The following CNTNAP2 variants were observed in gnomAD, a reference collection of about 807,000 sequenced individuals.
CNTNAP2 encodes contactin-associated protein-like 2.
CNTNAP2 carries 98 observed loss-of-function variants against 155.2 expected under a neutral mutation model. The ratio of observed to expected loss-of-function variants is 0.63; its 90% CI spans 0.54 to 0.75. CNTNAP2 has a LOEUF of 0.75. Ranked by LOEUF, CNTNAP2 falls within the 30% of genes least tolerant of loss-of-function variation. The pLI is 0.00. For synonymous variants in CNTNAP2, 651 were observed against 631.2 expected, an observed-to-expected ratio of 1.03 and a Z score of -0.47; for missense variants, 1,727 against 1,688.1, an observed-to-expected ratio of 1.02 and a Z score of -0.40.
chr7:146,946,934 T>G (rs926718622), intron 3 of CNTNAP2, among the ~76,000 whole-genome samples: 2 of 152,136 alleles, frequency 1.3e-5, no homozygotes, highest in Admixed American at 1.3e-4. Context: ...CAAAAAAGCA[T>G]CTTTATAGAT....
chr7:147,262,677 G>A (rs543642738), intron 8 of CNTNAP2, among the ~76,000 whole-genome samples: 1 of 152,268 alleles, frequency 6.6e-6, no homozygotes, highest in South Asian at 2.1e-4. Flanking sequence ...GTGGTGGCGA[G>A]CGCCTGTAGT....
chr7:147,558,710 TTCCTTCC>T, intron 11 of CNTNAP2, among the ~76,000 whole-genome samples: 1 of 42,530 alleles, frequency 2.4e-5, no homozygotes, highest in Non-Finnish European at 5.3e-5. Flanking sequence ...CCTTCCTTCC[TTCCTTCC>T]TTCCTTCCTT....
chr7:146,436,766 C>A (rs1796249349), intron 1 of CNTNAP2, among the ~76,000 whole-genome samples: 1 of 147,692 alleles, frequency 6.8e-6, no homozygotes, highest in Non-Finnish European at 1.5e-5. Context: ...AGGACAATAG[C>A]AAGTGCTTGG....
chr7:147,378,695 C>A (rs1394501802), intron 9 of CNTNAP2, among the ~76,000 whole-genome samples: 3 of 151,948 alleles, frequency 2.0e-5, no homozygotes, highest in Admixed American at 6.6e-5. Context: ...TTTGATAGTA[C>A]AACAAGGTAA....
intron 1 of CNTNAP2, among the ~76,000 whole-genome samples, chr7:146,375,373 A>G (rs148761963): frequency 2.3e-4 from 35 of 152,302 alleles, no homozygotes; most frequent in African/African-American, 8.2e-4. Context: ...CACCCAAACA[A>G]TCACAGATAA....
chr7:147,562,512 GA>G (rs35531313), intron 12 of CNTNAP2, among the ~76,000 whole-genome samples: 3 of 152,078 alleles, frequency 2.0e-5, no homozygotes, highest in Admixed American at 1.3e-4. Flanking sequence ...CATGTAGGGG[GA>G]AAAAAACAGA....
chr7:146,260,644 C>A (rs1584833036), intron 1 of CNTNAP2, among the ~76,000 whole-genome samples: 2 of 152,152 alleles, frequency 1.3e-5, no homozygotes, highest in African/African-American at 4.8e-5. Flanking sequence ...CCTTTGTTTT[C>A]ATCTATTTCT....
Position 146,154,625 on chromosome 7 carries a change from G to T in CNTNAP2, c.97+37652G>T, listed in dbSNP as rs377701658. On this transcript the variant is annotated intron_variant, in intron 1 of 23. Coordinates refer to ENST00000361727, the MANE Select transcript of CNTNAP2 (RefSeq NM_014141.6). ...TCAGTGCAAACTTTATGCCCCAAGA[G>T]TCTCACAAAGCATTTACAGCATATG... 1.1e-4 allele frequency among the ~76,000 whole-genome samples: 17 copies of T among 152,238 alleles called. No individual in the cohort carries two copies. In the East Asian group the frequency reaches 3.1e-3, roughly 28 times the overall value.
intron 9 of CNTNAP2, among the ~76,000 whole-genome samples, chr7:147,374,260 G>T (rs572310260): frequency 2.8e-4 from 42 of 152,040 alleles, no homozygotes; most frequent in African/African-American, 9.6e-4. Flanking sequence ...TTCTTATAAA[G>T]AAATTTGGCC....
intron 1 of CNTNAP2, among the ~76,000 whole-genome samples, chr7:146,304,642 G>C (rs1317416114): frequency 1.3e-5 from 2 of 152,164 alleles, no homozygotes; most frequent in Admixed American, 6.5e-5. Context: ...GAGATCTGCT[G>C]TTAGTCTCAT....
At chr7:147,214,087 T>C (rs1496539) in intron 8 of CNTNAP2, among the ~76,000 whole-genome samples, 87,034 of 151,978 alleles carry the variant, frequency 0.57, 25,883 homozygotes, top group African/African-American at 0.68. Context: ...CCCTTACCGG[T>C]TCTCTTGGTA....
intron 13 of CNTNAP2, among the ~76,000 whole-genome samples, chr7:147,796,339 A>T (rs996583031): frequency 5.9e-5 from 9 of 152,230 alleles, no homozygotes; most frequent in African/African-American, 2.2e-4. Flanking sequence ...AGGGAGAATA[A>T]ACACAGTGGC....
chr7:147,754,080 A>G (rs1208168733), intron 13 of CNTNAP2, among the ~76,000 whole-genome samples: 1 of 152,158 alleles, frequency 6.6e-6, no homozygotes, highest in Non-Finnish European at 1.5e-5. Flanking sequence ...CATCTAAAAA[A>G]AATAAAAATA....
At chr7:146,444,046 T>A (rs1408821240) in intron 1 of CNTNAP2, among the ~76,000 whole-genome samples, 2 of 152,126 alleles carry the variant, frequency 1.3e-5, no homozygotes, top group Non-Finnish European at 2.9e-5. Context: ...ATTTATTAAA[T>A]TTTTTTGACA....
At chr7:147,352,320 A>C (rs573752091) in intron 9 of CNTNAP2, among the ~76,000 whole-genome samples, 2 of 151,998 alleles carry the variant, frequency 1.3e-5, no homozygotes, top group Non-Finnish European at 2.9e-5. Context: ...AACACTTTTG[A>C]GATATGGCAG....
chr7:146,603,674 A>G (rs1208924297), intron 1 of CNTNAP2, among the ~76,000 whole-genome samples: 2 of 151,034 alleles, frequency 1.3e-5, no homozygotes, highest in African/African-American at 2.4e-5. Flanking sequence ...TTCAAACTAT[A>G]CTACAAGGCT....
chr7:146,557,281 G>A (rs534912323), intron 1 of CNTNAP2, among the ~76,000 whole-genome samples: 73 of 151,970 alleles, frequency 4.8e-4, no homozygotes, highest in Non-Finnish European at 8.2e-4. Flanking sequence ...GGACTAAGAA[G>A]ACAGGGGCAG....
At chr7:146,319,402 A>G (rs2129092123) in intron 1 of CNTNAP2, among the ~76,000 whole-genome samples, 2 of 152,338 alleles carry the variant, frequency 1.3e-5, no homozygotes, top group East Asian at 3.9e-4. Context: ...AATTTAAAAT[A>G]TAGTAGTAAA....
intron 3 of CNTNAP2, among the ~76,000 whole-genome samples, chr7:146,878,052 C>T (rs373955593): frequency 1.3e-4 from 20 of 152,068 alleles, no homozygotes; most frequent in African/African-American, 4.3e-4. Context: ...CTCCTGGAAA[C>T]ACAATTTACT....
Sources: gnomAD v4.1 joint callset for allele counts (sites outside exome capture counted in the v4.1 genomes callset) on GRCh38, gnomAD v4.1.1 for gene constraint, MANE v1.5 for transcripts, NCBI Gene and HGNC (gene_info 2026-07-23, HGNC 2026-07-21) for gene names.